ZNRF1: variants seen among roughly 807,000 people sequenced by gnomAD.
The protein encoded by ZNRF1 is E3 ubiquitin-protein ligase ZNRF1.
Under a neutral mutation model 18.4 loss-of-function variants are expected in ZNRF1, and 3 were observed. The observed-to-expected ratio is 0.16, with a 90% CI of 0.07 to 0.42. The LOEUF (loss-of-function observed/expected upper bound fraction) is 0.42, where lower values mean the gene tolerates loss of function less well. Among genes scored for constraint, ZNRF1 ranks in the 10% least tolerant of loss-of-function variants. The pLI, the probability that ZNRF1 is intolerant of heterozygous loss-of-function variation, is 0.99. For synonymous variants in ZNRF1, 157 were observed against 144.2 expected, an observed-to-expected ratio of 1.09 and a Z score of -0.64; for missense variants, 310 against 329.8, an observed-to-expected ratio of 0.94 and a Z score of 0.47.
chr16:75,007,033 G>A (rs1810631716), intron 1 of ZNRF1, among the ~76,000 whole-genome samples: 1 of 151,120 alleles, frequency 6.6e-6, no homozygotes, highest in Non-Finnish European at 1.5e-5. Context: ...CAAGTGTGAA[G>A]TGTGAAGCAA....
intron 1 of ZNRF1, among the ~76,000 whole-genome samples, chr16:75,009,968 G>C (rs2034972474): frequency 6.6e-6 from 1 of 151,746 alleles, no homozygotes; most frequent in African/African-American, 2.4e-5. Context: ...ATATGTCCAT[G>C]TTTGAATCAG....
intron 1 of ZNRF1, among the ~76,000 whole-genome samples, chr16:75,048,054 G>A (rs2035539163): frequency 6.6e-6 from 1 of 151,960 alleles, no homozygotes; most frequent in Non-Finnish European, 1.5e-5. Context: ...CCAGGCTCAG[G>A]GGATCCTCCT....
At chr16:75,002,255 G>A (rs907704509) in intron 1 of ZNRF1, 1 of 152,194 alleles carries the variant, frequency 6.6e-6, no homozygotes, top group South Asian at 2.1e-4. Context: ...GAATCTTCGT[G>A]TGCAGCATTG....
intron 1 of ZNRF1, among the ~76,000 whole-genome samples, chr16:75,092,426 G>A (rs2036150708): frequency 6.6e-6 from 1 of 152,178 alleles, no homozygotes; most frequent in Non-Finnish European, 1.5e-5. Flanking sequence ...AGGAATCACA[G>A]TCACAAAAGG....
chr16:75,010,972 G>T (rs1187145279), intron 1 of ZNRF1, among the ~76,000 whole-genome samples: 2 of 152,174 alleles, frequency 1.3e-5, no homozygotes, highest in South Asian at 4.1e-4. Context: ...GCCTCCCAGA[G>T]TGCTGGGATT....
At chr16:75,073,883 C>T (rs190621356) in intron 1 of ZNRF1, among the ~76,000 whole-genome samples, 2 of 152,114 alleles carry the variant, frequency 1.3e-5, no homozygotes, top group East Asian at 1.9e-4. Flanking sequence ...GGGAACTTTC[C>T]GGTTCACTTC....
intron 2 of ZNRF1, among the ~76,000 whole-genome samples, chr16:75,095,320 C>T (rs755402333): frequency 2.0e-5 from 3 of 152,124 alleles, no homozygotes; most frequent in Non-Finnish European, 2.9e-5. Context: ...CTGACTGCTG[C>T]CAGTTCTCTA....
intron 1 of ZNRF1, among the ~76,000 whole-genome samples, chr16:75,034,404 A>T (rs1047398013): frequency 2.0e-5 from 3 of 152,120 alleles, no homozygotes; most frequent in African/African-American, 7.2e-5. Context: ...TCTTTTTGTG[A>T]CTGGCTTATT....
In ZNRF1 at chr16:75,093,565, C is replaced by T; in HGVS notation, c.425-7C>T. ...AAAACATTTCATCCCATTCTCCTCT[C>T]TTTCAGGTTTCAAGTGCCCCATTTG... On this transcript the variant is annotated splice_region_variant and splice_polypyrimidine_tract_variant and intron_variant, in intron 1 of 4. Transcript: ENST00000335325. The T allele has an allele frequency of 6.2e-7, 1 of 1,611,566 alleles. No individual in the cohort carries two copies. Among genetic ancestry groups the T allele is most frequent in the Non-Finnish European group, 8.5e-7 (1 of 1,177,764 alleles).
chr16:75,017,452 C>T (rs2035087080), intron 1 of ZNRF1, among the ~76,000 whole-genome samples: 1 of 152,148 alleles, frequency 6.6e-6, no homozygotes, highest in Non-Finnish European at 1.5e-5. Context: ...TATTACATAT[C>T]CATCTCCCAG....
intron 1 of ZNRF1, among the ~76,000 whole-genome samples, chr16:75,035,320 C>T (rs1000766566): frequency 2.6e-5 from 4 of 152,228 alleles, no homozygotes; most frequent in East Asian, 1.9e-4. Flanking sequence ...AGGCGTGAGC[C>T]GCTGCACTGG....
intron 1 of ZNRF1, among the ~76,000 whole-genome samples, chr16:75,091,345 T>G (rs1376523434): frequency 8.5e-6 from 1 of 118,106 alleles, no homozygotes. Context: ...GGCAACAGAG[T>G]AAGACTCCAT....
chr16:75,108,257 G>A lies in ZNRF1; in HGVS notation c.*557G>A. On this transcript the variant is annotated 3_prime_UTR_variant, in exon 5 of 5. Coordinates refer to ENST00000335325, the MANE Select transcript of ZNRF1 (RefSeq NM_032268.5). ...CCTCTATTTTTCTGGCTGGTTTTTT[G>A]CTCTTTTCTCCCCTTGAGACCCTAA... 1 of 244,748 alleles carries A rather than the reference G, an allele frequency of 4.1e-6. No individual in the cohort carries two copies. The highest frequency in any genetic ancestry group is 2.2e-5 in the African/African-American group (1 of 44,710). The allele number at this position is 244,748 out of a possible 1,614,324, so 15.2% of individuals were successfully genotyped here.
chr16:75,033,526 G>C (rs561281341), intron 1 of ZNRF1, among the ~76,000 whole-genome samples: 1 of 145,700 alleles, frequency 6.9e-6, no homozygotes, highest in East Asian at 2.0e-4. Context: ...TGCAACCTCT[G>C]CCTCCCAAGT....
intron 1 of ZNRF1, among the ~76,000 whole-genome samples, chr16:75,065,645 G>T (rs1001878404): frequency 5.3e-5 from 8 of 152,198 alleles, no homozygotes; most frequent in African/African-American, 1.9e-4. Flanking sequence ...CCCTTGTAAA[G>T]CATGGGTGTG....
Position 75,108,793 on chromosome 16 carries a change from C to T in ZNRF1, c.*1093C>T, listed in dbSNP as rs559057469. 2.7e-6 allele frequency: 1 copy of T among 371,604 alleles called. No individual in the cohort carries two copies. Among genetic ancestry groups the T allele is most frequent in the Non-Finnish European group, 4.7e-6 (1 of 210,704 alleles). 23.0% of individuals were successfully genotyped at this position (371,604 alleles called of 1,614,324 possible). ...GCCTGCCCCCCACTCCCTCACCTAC[C>T]TCCTTAGCATTCCTTCAGGCTGCTA... On this transcript the variant is annotated 3_prime_UTR_variant, in exon 5 of 5. Coordinates refer to ENST00000335325, the MANE Select transcript of ZNRF1 (RefSeq NM_032268.5).
Position 75,088,531 on chromosome 16 carries a change from G to T in ZNRF1, c.425-5041G>T, listed in dbSNP as rs187512337. Reference sequence around the variant, plus strand: ...AGAAATTGCTGGGACAGTGTAGAAGGTTCATAAATGAGTATTTGGTAATAG... The same window carrying T: ...AGAAATTGCTGGGACAGTGTAGAAGTTTCATAAATGAGTATTTGGTAATAG... On this transcript the variant is annotated intron_variant, in intron 1 of 4. Coordinates refer to ENST00000335325, the MANE Select transcript of ZNRF1 (RefSeq NM_032268.5). Among the ~76,000 whole-genome samples the T allele has an allele frequency of 2.4e-4, 36 of 152,294 alleles. No homozygotes were observed. The East Asian group carries it at 6.4e-3, about 27-fold the overall frequency.
intron 1 of ZNRF1, among the ~76,000 whole-genome samples, chr16:75,039,817 A>G (rs1231006015): frequency 1.3e-5 from 2 of 152,206 alleles, no homozygotes; most frequent in Non-Finnish European, 2.9e-5. Context: ...GTTCTTTGCC[A>G]GAAAACTACA....
In ZNRF1 at chr16:75,035,128, C is replaced by G. The variant is rs191537068; in HGVS notation, c.424+35033C>G. 1.0e-3 allele frequency among the ~76,000 whole-genome samples: 150 copies of G among 150,406 alleles called. No homozygotes were observed. In the East Asian group the frequency reaches 0.019, roughly 19 times the overall value. ...GCTGCAATCCCCACCCTCCACCCCC[C>G]CTCCCCAGGTTCGAGCTATTCTCCT... On this transcript the variant is annotated intron_variant, in intron 1 of 4. Coordinates refer to ENST00000335325, the MANE Select transcript of ZNRF1 (RefSeq NM_032268.5).
Sources: allele counts gnomAD v4.1 joint callset (sites outside exome capture counted in the v4.1 genomes callset), GRCh38; gene constraint gnomAD v4.1.1; transcripts MANE v1.5; gene names NCBI Gene and HGNC (gene_info 2026-07-23, HGNC 2026-07-21).